CLASP1: variants seen among roughly 807,000 people sequenced by gnomAD.
CLASP1 encodes the protein CLIP-associating protein 1.
A neutral mutation model predicts 192.3 loss-of-function variants in CLASP1; 38 were observed. The observed-to-expected ratio is 0.20, with a 90% confidence interval of 0.15 to 0.26. The LOEUF (loss-of-function observed/expected upper bound fraction) is 0.26, where lower values mean the gene tolerates loss of function less well. Ranked by LOEUF, CLASP1 falls within the 10% of genes least tolerant of loss-of-function variation. The probability of loss-of-function intolerance (pLI) is 1.00; values close to 1 mark genes in which losing one functional copy is unlikely to be tolerated. For missense variants in CLASP1, 1,433 were observed against 1,932.5 expected, an observed-to-expected ratio of 0.74 and a Z score of 4.85; for synonymous variants, 691 against 712.8, an observed-to-expected ratio of 0.97 and a Z score of 0.49.
intron 24 of CLASP1, among the ~76,000 whole-genome samples, chr2:121,408,813 A>G (rs761848016): frequency 1.2e-4 from 19 of 152,248 alleles, no homozygotes; most frequent in Admixed American, 6.5e-4. Flanking sequence ...TTGACATTCA[A>G]AATAAATACT....
intron 22 of CLASP1, among the ~76,000 whole-genome samples, chr2:121,420,957 C>A (rs922163360): frequency 1.3e-5 from 2 of 152,204 alleles, no homozygotes; most frequent in Admixed American, 1.3e-4. Flanking sequence ...GTTTACCCCC[C>A]TCCGGTATTT....
At chr2:121,408,696 TA>T (rs1196311762) in intron 24 of CLASP1, among the ~76,000 whole-genome samples, 2 of 152,162 alleles carry the variant, frequency 1.3e-5, no homozygotes, top group African/African-American at 4.8e-5. Context: ...TCCAGATTCC[TA>T]AAATAAGAAA....
intron 8 of CLASP1, among the ~76,000 whole-genome samples, chr2:121,493,997 T>C (rs537848248): frequency 3.3e-5 from 5 of 152,252 alleles, no homozygotes; most frequent in African/African-American, 9.6e-5. Context: ...ACACTGTTGG[T>C]AGAAATGTTA....
At chr2:121,339,141 A>AC (rs2062589371) in exon 40 of CLASP1, 7 of 151,188 alleles carry the variant, frequency 4.6e-5, no homozygotes, top group Non-Finnish European at 1.0e-4. Flanking sequence ...CCACACACAC[A>AC]CACACACACA....
chr2:121,425,856 T>C (rs910354341), intron 21 of CLASP1, among the ~76,000 whole-genome samples: 5 of 152,188 alleles, frequency 3.3e-5, no homozygotes, highest in Non-Finnish European at 4.4e-5. Context: ...TTAAAAGAGA[T>C]TAAAACAAGC....
intron 19 of CLASP1, among the ~76,000 whole-genome samples, chr2:121,442,636 C>T (rs2083543377): frequency 1.3e-5 from 2 of 152,078 alleles, no homozygotes; most frequent in South Asian, 2.1e-4. Context: ...CACACCACCA[C>T]ATCTGGCTAA....
intron 2 of CLASP1, among the ~76,000 whole-genome samples, chr2:121,563,907 A>T (rs2105332941): frequency 6.6e-6 from 1 of 152,342 alleles, no homozygotes; most frequent in Non-Finnish European, 1.5e-5. Flanking sequence ...ATGGCTGGAG[A>T]GGCCTCACAA....
intron 16 of CLASP1, among the ~76,000 whole-genome samples, chr2:121,449,812 G>T (rs962759838): frequency 6.6e-6 from 1 of 152,134 alleles, no homozygotes; most frequent in Non-Finnish European, 1.5e-5. Flanking sequence ...GGCAGTCAAA[G>T]AGCAATAAGT....
At chr2:121,377,292 C>T (rs1183677680) in intron 34 of CLASP1, among the ~76,000 whole-genome samples, 1 of 152,194 alleles carries the variant, frequency 6.6e-6, no homozygotes, top group Non-Finnish European at 1.5e-5. Context: ...GATTATTACA[C>T]ATTCTACACA....
chr2:121,466,102 A>G (rs777015674), intron 9 of CLASP1, among the ~76,000 whole-genome samples: 1 of 152,206 alleles, frequency 6.6e-6, no homozygotes, highest in Non-Finnish European at 1.5e-5. Flanking sequence ...ATAATTACCC[A>G]AGAATAGTTC....
At chr2:121,576,254 C>A (rs1374119224) in intron 2 of CLASP1, among the ~76,000 whole-genome samples, 1 of 151,998 alleles carries the variant, frequency 6.6e-6, no homozygotes, top group Non-Finnish European at 1.5e-5. Flanking sequence ...CAAATTATCA[C>A]AACATAAATT....
At position 121,460,240 on chromosome 2, in the gene CLASP1, A is replaced by C. The variant is rs2087613115; in HGVS notation, c.1033-115T>G. 4 of 776,740 alleles carry C rather than the reference A, an allele frequency of 5.1e-6. No individual in the cohort carries two copies. The South Asian group carries it at 1.1e-4, about 22-fold the overall frequency. The allele number at this position is 776,740 out of a possible 1,614,324, so 48.1% of individuals were successfully genotyped here. On this transcript the variant is annotated intron_variant, in intron 11 of 39. Coordinates refer to ENST00000263710, the Ensembl canonical transcript of CLASP1. ...CATTGTTAAAGTTCAACTGATTAGA[A>C]AGCTTTCCCAAAAGAATTCAGCCAG... is the stretch of plus-strand genomic sequence containing the variant.
chr2:121,615,455 T>C (rs1224685946), intron 1 of CLASP1, among the ~76,000 whole-genome samples: 1 of 152,066 alleles, frequency 6.6e-6, no homozygotes, highest in African/African-American at 2.4e-5. Flanking sequence ...TAAGTAGGCA[T>C]TATTATTCTC....
intron 10 of CLASP1, 98 bp from the exon 11 acceptor site, chr2:121,461,291 G>T (rs1004092118): frequency 1.5e-6 from 1 of 671,576 alleles, no homozygotes; most frequent in African/African-American, 1.9e-5. Context: ...TATGGTAAAA[G>T]AAATTATTTT....
chr2:121,642,646 C>T (rs778398524), intron 1 of CLASP1, among the ~76,000 whole-genome samples: 6 of 152,040 alleles, frequency 3.9e-5, no homozygotes, highest in East Asian at 3.9e-4. Context: ...GCAGAAGAAT[C>T]GCTTGAATCC....
chr2:121,450,205 C>A (rs1000456918), intron 16 of CLASP1, among the ~76,000 whole-genome samples: 2 of 152,020 alleles, frequency 1.3e-5, no homozygotes, highest in Non-Finnish European at 2.9e-5. Context: ...AGGGCAGGCG[C>A]CTGTAGTCCC....
At chr2:121,610,810 G>C (rs555771313) in intron 1 of CLASP1, among the ~76,000 whole-genome samples, 4 of 134,686 alleles carry the variant, frequency 3.0e-5, no homozygotes, top group African/African-American at 1.2e-4. Flanking sequence ...AGAGGAACTG[G>C]AGCAGGAGGA....
At chr2:121,519,118 A>G (rs2150374087) in intron 6 of CLASP1, among the ~76,000 whole-genome samples, 1 of 152,360 alleles carries the variant, frequency 6.6e-6, no homozygotes, top group Non-Finnish European at 1.5e-5. Context: ...TCAAATATTA[A>G]TAAGTAGACT....
At chr2:121,576,006 G>A (rs1453327163) in intron 2 of CLASP1, among the ~76,000 whole-genome samples, 1 of 152,128 alleles carries the variant, frequency 6.6e-6, no homozygotes, top group South Asian at 2.1e-4. Context: ...AATCCCTGAC[G>A]GATAGGCCTC....
Sources: allele counts gnomAD v4.1 joint callset (sites outside exome capture counted in the v4.1 genomes callset), GRCh38; gene constraint gnomAD v4.1.1; transcripts MANE v1.5; gene names NCBI Gene and HGNC (gene_info 2026-07-23, HGNC 2026-07-21).